JAG2: variants seen among roughly 807,000 people sequenced by gnomAD.
JAG2 encodes the protein jagged canonical Notch ligand 2.
Under a neutral mutation model 141.7 loss-of-function variants are expected in JAG2, and 46 were observed. The ratio of observed to expected loss-of-function variants is 0.32; its 90% CI spans 0.26 to 0.42. JAG2 has a LOEUF of 0.42. Among genes scored for constraint, JAG2 ranks in the 10% least tolerant of loss-of-function variants. The pLI, the probability that JAG2 is intolerant of heterozygous loss-of-function variation, is 1.00. For synonymous variants in JAG2, 862 were observed against 763.5 expected (o/e 1.13, Z -2.13); for missense variants, 1,500 against 1,817.5 (o/e 0.83, Z 3.18).
chr14:105,158,957 C>T (rs1164051821), intron 2 of JAG2, among the ~76,000 whole-genome samples: 3 of 152,080 alleles, frequency 2.0e-5, no homozygotes, highest in Non-Finnish European at 2.9e-5. Flanking sequence ...GCCAGCCCTT[C>T]CCTGGTCCTC....
At chr14:105,147,697 G>A in intron 18 of JAG2, 75 bp downstream of exon 18, 1 of 1,173,574 alleles carries the variant, frequency 8.5e-7, no homozygotes, top group Non-Finnish European at 1.2e-6. Flanking sequence ...AGAAGGGACT[G>A]GGGGGCGAGT....
At position 105,167,662 on chromosome 14, in the gene JAG2, G is replaced by C. The variant is rs919567316; in HGVS notation, c.417+95C>G. ...CCTGGGCGCGCGCGGCTCGCACGCA[G>C]ACCCGGCCGCAGGTGTTGGGGGTCG... On this transcript the variant is annotated intron_variant, in intron 2 of 25. Coordinates refer to ENST00000331782, the MANE Select transcript of JAG2 (RefSeq NM_002226.5). This position sits in a 1 kb window ranked among gnomAD's most constrained non-coding sequence, Gnocchi z 4.8. The C allele has an allele frequency of 8.9e-6, 11 of 1,231,286 alleles. No individual in the cohort carries two copies. The highest frequency in any genetic ancestry group is 6.4e-5 in the African/African-American group (4 of 62,698). The allele number at this position is 1,231,286 out of a possible 1,614,324, so 76.3% of individuals were successfully genotyped here.
intron 5 of JAG2, among the ~76,000 whole-genome samples, chr14:105,152,507 A>G (rs1888467886): frequency 6.6e-6 from 1 of 152,174 alleles, no homozygotes; most frequent in Admixed American, 6.5e-5. Flanking sequence ...GGTCAGCCCC[A>G]GCTGTCCCGT....
At chr14:105,143,375 TTC>T in intron 25 of JAG2, 105 bp downstream of exon 25, 1 of 1,396,132 alleles carries the variant, frequency 7.2e-7, no homozygotes, top group South Asian at 1.2e-5. Context: ...TGCCAGGGAC[TTC>T]TGTGTTCCTG....
At chr14:105,143,270 C>T in intron 25 of JAG2, 100 bp from the exon 26 acceptor site, 1 of 1,410,122 alleles carries the variant, frequency 7.1e-7, no homozygotes, top group Non-Finnish European at 9.7e-7. Context: ...GGCCAGGCGG[C>T]CGGGCCCCAC....
intron 22 of JAG2, 65 bp from the exon 23 acceptor site, chr14:105,146,038 A>T: frequency 6.4e-7 from 1 of 1,558,858 alleles, no homozygotes; most frequent in Non-Finnish European, 8.6e-7. Context: ...AGGCACACAG[A>T]TGAGAACCCA....
chr14:105,154,435 G>A lies in JAG2; in HGVS notation c.788+1127C>T, dbSNP rs1002738013. On this transcript the variant is annotated intron_variant, in intron 5 of 25. Coordinates refer to ENST00000331782, the MANE Select transcript of JAG2 (RefSeq NM_002226.5). The surrounding 1 kb of genome is among the most constrained non-coding windows in gnomAD (Gnocchi z 4.4). ...AAGCCCGTGCCCACCCCAGACCCTG[G>A]GCCCCAGCCCCTCTGGTTGCCCTGC... Among the ~76,000 whole-genome samples the A allele has an allele frequency of 4.6e-5, 7 of 152,090 alleles. No individual in the cohort carries two copies. The highest frequency in any genetic ancestry group is 1.7e-4 in the African/African-American group (7 of 41,406).
Position 105,156,023 on chromosome 14 carries a change from G to A in JAG2, c.476-34C>T, listed in dbSNP as rs769422920. 18 of 1,595,400 alleles carry A rather than the reference G, an allele frequency of 1.1e-5. No individual in the cohort carries two copies. The East Asian group carries it at 4.0e-4, about 36-fold the overall frequency. On this transcript the variant is annotated intron_variant, in intron 3 of 25. Coordinates refer to ENST00000331782, the MANE Select transcript of JAG2 (RefSeq NM_002226.5). ...GGCGGCAGAGTCAGCACAGGCCAGA[G>A]AAACCAGCCCGGCCAGGGGTCCTCC... is the stretch of plus-strand genomic sequence containing the variant.
At chr14:105,149,737 T>C (rs1443400916) in intron 12 of JAG2, among the ~76,000 whole-genome samples, 2 of 138,934 alleles carry the variant, frequency 1.4e-5, no homozygotes, top group Non-Finnish European at 3.1e-5. Context: ...AGAAGCCCTC[T>C]GGACAGGAGG....
At chr14:105,164,111 C>T (rs1481240331) in intron 2 of JAG2, among the ~76,000 whole-genome samples, 2 of 151,978 alleles carry the variant, frequency 1.3e-5, no homozygotes, top group African/African-American at 4.8e-5. Flanking sequence ...GCCCCTCCAC[C>T]TCCCAGCCTT....
At chr14:105,158,474 CG>C (rs1888640900) in intron 2 of JAG2, among the ~76,000 whole-genome samples, 1 of 152,130 alleles carries the variant, frequency 6.6e-6, no homozygotes. Context: ...CCTCTGCCCC[CG>C]GGCCACCTGG....
Position 105,149,426 on chromosome 14 carries a change from C to T in JAG2, c.1603-106G>A, listed in dbSNP as rs150065796. 5,543 of 1,420,022 alleles carry T rather than the reference C, an allele frequency of 3.9e-3. 14 individuals carry two copies. The highest frequency in any genetic ancestry group is 5.0e-3 in the Non-Finnish European group (5,094 of 1,018,590). 88.0% of individuals were successfully genotyped at this position (1,420,022 alleles called of 1,614,324 possible). A position where few individuals can be genotyped will look rare whatever the true frequency, so the allele number is the denominator to read the frequency against. ...GTAGATCCCTGGGGACCCCCAGGCC[C>T]CTCCGCCCTGGGCCTAACAGTGCCA... On this transcript the variant is annotated intron_variant, in intron 12 of 25. Transcript: ENST00000331782.
chr14:105,158,083 G>C (rs1888630938), intron 2 of JAG2, among the ~76,000 whole-genome samples: 1 of 152,188 alleles, frequency 6.6e-6, no homozygotes, highest in South Asian at 2.1e-4. Flanking sequence ...GAGCGACCGG[G>C]GGGAGAGGTG....
At position 105,147,767 on chromosome 14, in the gene JAG2, C is replaced by T; in HGVS notation, c.2365+5G>A. 1 of 1,538,858 alleles carries T rather than the reference C, an allele frequency of 6.5e-7. No homozygotes were observed. The highest frequency in any genetic ancestry group is 2.4e-5 in the East Asian group (1 of 40,894). On this transcript the variant is annotated splice_donor_5th_base_variant and intron_variant, in intron 18 of 25. Transcript: ENST00000331782. ...GGCCCCCGCCCACACCCCTCCCACA[C>T]TCACTGTGAGTGCAAGTACGACCCT...
At position 105,157,089 on chromosome 14, in the gene JAG2, G is replaced by A. The variant is rs949231277; in HGVS notation, c.475+617C>T. 3.3e-5 allele frequency among the ~76,000 whole-genome samples: 5 copies of A among 152,140 alleles called. No individual in the cohort carries two copies. The East Asian group carries it at 5.8e-4, about 18-fold the overall frequency. ...GTCACCCTGACACGCCCAGATTCAC[G>A]TGGCAGCTCCTCCTCGGTCTGTGTC... is the stretch of plus-strand genomic sequence containing the variant. On this transcript the variant is annotated intron_variant, in intron 3 of 25. Coordinates refer to ENST00000331782, the MANE Select transcript of JAG2 (RefSeq NM_002226.5).
intron 2 of JAG2, among the ~76,000 whole-genome samples, chr14:105,158,002 G>C (rs1489284022): frequency 6.6e-6 from 1 of 152,208 alleles, no homozygotes; most frequent in Admixed American, 6.5e-5. Flanking sequence ...AGGGGCCTGG[G>C]CTCCCTACCG....
chr14:105,155,551 G>A lies in JAG2; in HGVS notation c.788+11C>T, dbSNP rs202192524. On this transcript the variant is annotated intron_variant, in intron 5 of 25. Transcript: ENST00000331782. Reference sequence around the variant, plus strand: ...GTTGGGAGGGCAAAGACGGGCCGGCGGCACACTCACCTGCACTCCCCAGGC... The same window carrying A: ...GTTGGGAGGGCAAAGACGGGCCGGCAGCACACTCACCTGCACTCCCCAGGC... 2.0e-5 allele frequency: 33 copies of A among 1,612,776 alleles called. No homozygotes were observed. The highest frequency in any genetic ancestry group is 1.3e-4 in the South Asian group (12 of 91,084).
intron 2 of JAG2, among the ~76,000 whole-genome samples, chr14:105,165,387 G>A (rs1302366854): frequency 6.6e-6 from 1 of 152,230 alleles, no homozygotes; most frequent in African/African-American, 2.4e-5. Context: ...CACCCTGCCA[G>A]CTACAAGCCA....
intron 20 of JAG2, chr14:105,147,107 G>A (rs1352602364): frequency 6.4e-6 from 4 of 624,494 alleles, no homozygotes; most frequent in East Asian, 2.7e-5. Flanking sequence ...GCCCCGGACT[G>A]GTCCCCCAGG....
Sources: gnomAD v4.1 joint callset for allele counts (sites outside exome capture counted in the v4.1 genomes callset) on GRCh38, gnomAD v4.1.1 for gene constraint, Gnocchi (gnomAD v3.1) non-coding constraint, MANE v1.5 for transcripts, NCBI Gene and HGNC (gene_info 2026-07-23, HGNC 2026-07-21) for gene names.